Variants in SRCIN1 observed in about 807,000 individuals in gnomAD.
SRCIN1 encodes the protein P130Cas-associated protein.
SRCIN1 carries 50 observed loss-of-function variants against 116.2 expected under a neutral mutation model. The ratio of observed to expected loss-of-function variants is 0.43; its 90% confidence interval spans 0.34 to 0.54. SRCIN1 has a LOEUF of 0.54. Among genes scored for constraint, SRCIN1 ranks in the 20% least tolerant of loss-of-function variants. The pLI, the probability that SRCIN1 is intolerant of heterozygous loss-of-function variation, is 0.02. For synonymous variants in SRCIN1, 736 were observed against 750.0 expected, an observed-to-expected ratio of 0.98 and a Z score of 0.30; for missense variants, 1,446 against 1,672.0, an observed-to-expected ratio of 0.86 and a Z score of 2.36.
In SRCIN1 at chr17:38,604,323, TC is replaced by T. The variant is rs1909228922; in HGVS notation, c.22+1360del. Reference sequence around the variant, plus strand: ...CAAAACAGACAGCAGCTCCTCCATCTCCTTTTGAAAGGCTGCTGCCAGAAAC... The same window carrying T: ...CAAAACAGACAGCAGCTCCTCCATCTCTTTTGAAAGGCTGCTGCCAGAAAC... On this transcript the variant is annotated intron_variant, in intron 1 of 18. Coordinates refer to ENST00000617146, the MANE Select transcript of SRCIN1 (RefSeq NM_025248.3). The surrounding 1 kb of genome is among the most constrained non-coding windows in gnomAD (Gnocchi z 4.3). Among the ~76,000 whole-genome samples the T allele has an allele frequency of 6.6e-6, 1 of 152,012 alleles. No individual in the cohort carries two copies. Among genetic ancestry groups the T allele is most frequent in the South Asian group, 2.1e-4 (1 of 4,822 alleles).
chr17:38,575,698 C>A (rs1229389181), intron 2 of SRCIN1, among the ~76,000 whole-genome samples: 2 of 152,200 alleles, frequency 1.3e-5, no homozygotes, highest in African/African-American at 4.8e-5. Flanking sequence ...AGCCTCCCCC[C>A]AGTTGTCTCT....
intron 18 of SRCIN1, chr17:38,543,248 A>G (rs537585797): frequency 5.7e-5 from 26 of 454,878 alleles, no homozygotes; most frequent in South Asian, 3.4e-4. Flanking sequence ...AGGTGACCCC[A>G]CTGAAACCCA....
chr17:38,550,335 A>C (rs1295529143), intron 15 of SRCIN1, among the ~76,000 whole-genome samples: 2 of 152,024 alleles, frequency 1.3e-5, no homozygotes, highest in Non-Finnish European at 2.9e-5. Context: ...TCTACTAAAA[A>C]TACAAAAAAA....
At chr17:38,555,940 C>T (rs1041096493) in intron 11 of SRCIN1, among the ~76,000 whole-genome samples, 2 of 152,204 alleles carry the variant, frequency 1.3e-5, no homozygotes, top group African/African-American at 4.8e-5. Flanking sequence ...GACAACACTG[C>T]AATTCTTAGG....
intron 1 of SRCIN1, chr17:38,601,107 A>C (rs369032867): frequency 3.3e-5 from 5 of 152,468 alleles, no homozygotes; most frequent in African/African-American, 1.2e-4. Context: ...TGTCACAAGA[A>C]ACCTTGGAGA....
At chr17:38,589,276 T>C (rs1192221526) in intron 1 of SRCIN1, among the ~76,000 whole-genome samples, 4 of 152,208 alleles carry the variant, frequency 2.6e-5, no homozygotes, top group Admixed American at 2.6e-4. Context: ...GGGGTCTACA[T>C]ACCTGGGCCC....
intron 1 of SRCIN1, 27 bp from the exon 2 acceptor site, chr17:38,578,818 G>T: frequency 6.9e-7 from 1 of 1,455,114 alleles, no homozygotes; most frequent in Non-Finnish European, 9.0e-7. Context: ...GGGCACGGCT[G>T]GGTCACGGCG....
At chr17:38,596,329 G>A (rs1357956460) in intron 1 of SRCIN1, among the ~76,000 whole-genome samples, 2 of 152,104 alleles carry the variant, frequency 1.3e-5, no homozygotes, top group African/African-American at 2.4e-5. Context: ...TCCCTTTGGG[G>A]CCCCCCAGGG....
intron 11 of SRCIN1, among the ~76,000 whole-genome samples, chr17:38,556,575 G>A (rs907468459): frequency 1.9e-4 from 29 of 152,404 alleles, no homozygotes; most frequent in African/African-American, 6.7e-4. Context: ...GTGGGGCAGG[G>A]GGGCTGCAGG....
intron 2 of SRCIN1, among the ~76,000 whole-genome samples, chr17:38,573,606 G>A (rs1907229838): frequency 1.3e-5 from 2 of 152,178 alleles, no homozygotes; most frequent in Admixed American, 1.3e-4. Context: ...GGACAACTGA[G>A]CTCACCCAGT....
chr17:38,561,777 G>T lies in SRCIN1; in HGVS notation c.1386C>A (p.Tyr462Ter). The T allele has an allele frequency of 6.7e-7, 1 of 1,493,416 alleles. No individual in the cohort carries two copies. Among genetic ancestry groups the T allele is most frequent in the South Asian group, 1.3e-5 (1 of 79,552 alleles). 92.5% of individuals were successfully genotyped at this position (1,493,416 alleles called of 1,614,324 possible). A position where few individuals can be genotyped will look rare whatever the true frequency, so the allele number is the denominator to read the frequency against. ...GCAGGCGGAAGCCGTAGCCGTCGCCGTACAGCGGGCCGCCGCCGCCCGCCG... is the reference window on the plus strand; with the variant it reads ...GCAGGCGGAAGCCGTAGCCGTCGCCTTACAGCGGGCCGCCGCCGCCCGCCG... ...YKAAGGGGPL[Y>*]GDGYGFRLPP... The change falls in exon 7 of 19, where the codon TAC (tyrosine) becomes TAA (stop). Residue 462 changes from tyrosine (Y) to a stop codon, truncating the protein, a stop_gained. Coordinates refer to ENST00000617146, the MANE Select transcript of SRCIN1 (RefSeq NM_025248.3). LOFTEE classifies it high-confidence loss of function.
Position 38,551,323 on chromosome 17 carries a change from G to A in SRCIN1, c.2794C>T (p.Arg932Trp), listed in dbSNP as rs370325119. The part of the protein sequence containing the change: ...LTQYSAKDIN[R>W]LLEETQAELL... ...TCTGCCTGTGTCTCTTCCAGCAGCC[G>A]GTTGATGTCCTTGGCACTGTACTGG... is the stretch of plus-strand genomic sequence containing the variant. Residue 932 changes from arginine to tryptophan, a missense_variant, in exon 15 of 19, where the codon CGG becomes TGG. Physicochemically the swap from Arg to Trp is moderately radical, Grantham distance 101 (BLOSUM62 -3). Coordinates refer to ENST00000617146, the MANE Select transcript of SRCIN1 (RefSeq NM_025248.3). 22 of 1,613,728 alleles carry A rather than the reference G, an allele frequency of 1.4e-5. No individual in the cohort carries two copies. The highest frequency in any genetic ancestry group is 4.5e-5 in the East Asian group (2 of 44,894).
At position 38,585,277 on chromosome 17, in the gene SRCIN1, A is replaced by G. The variant is rs1908051730; in HGVS notation, c.23-6486T>C. On this transcript the variant is annotated intron_variant, in intron 1 of 18. Coordinates refer to ENST00000617146, the MANE Select transcript of SRCIN1 (RefSeq NM_025248.3). The surrounding 1 kb of genome is among the most constrained non-coding windows in gnomAD (Gnocchi z 4.2). ...TTAGGCCACACCCACACACACACAC[A>G]AACACACAGCATGAGGCTCCCCCAG... Among the ~76,000 whole-genome samples, 1 of 152,110 alleles carries G rather than the reference A, an allele frequency of 6.6e-6. No homozygotes were observed. Among genetic ancestry groups the G allele is most frequent in the African/African-American group, 2.4e-5 (1 of 41,412 alleles).
chr17:38,552,521 C>T lies in SRCIN1; in HGVS notation c.2406G>A (p.Lys802=), dbSNP rs561348090. The change falls in exon 13 of 19, where the codon AAG becomes AAA. Residue 802 remains lysine, a synonymous_variant. Transcript: ENST00000617146. The surrounding 1 kb of genome is among the most constrained non-coding windows in gnomAD (Gnocchi z 5.3). ...RVEVEAVKFL[K]EEPQRLDGLL... Reference sequence around the variant, plus strand: ...GCCCATCCAGGCGCTGGGGCTCCTCCTTCAGGAACTTCACCGCCTCCACCT... The same window carrying T: ...GCCCATCCAGGCGCTGGGGCTCCTCTTTCAGGAACTTCACCGCCTCCACCT... 37 of 1,605,674 alleles carry T rather than the reference C, an allele frequency of 2.3e-5. No homozygotes were observed. The highest frequency in any genetic ancestry group is 3.1e-5 in the Non-Finnish European group (37 of 1,176,332).
At position 38,604,202 on chromosome 17, in the gene SRCIN1, G is replaced by A. The variant is rs1171427348; in HGVS notation, c.22+1482C>T. ...AAGGTATCCTGACGACCCCCCAAAAGTGCTCAAACCCCACCCAAAGGAACA... is the reference window on the plus strand; with the variant it reads ...AAGGTATCCTGACGACCCCCCAAAAATGCTCAAACCCCACCCAAAGGAACA... On this transcript the variant is annotated intron_variant, in intron 1 of 18. Coordinates refer to ENST00000617146, the MANE Select transcript of SRCIN1 (RefSeq NM_025248.3). The surrounding 1 kb of genome is among the most constrained non-coding windows in gnomAD (Gnocchi z 4.3). 6.6e-6 allele frequency among the ~76,000 whole-genome samples: 1 copy of A among 152,078 alleles called. No individual in the cohort carries two copies.
rs111650340 is a variant in SRCIN1, at chr17:38,533,275, G to A, written c.*22C>T. 4.2e-5 allele frequency: 64 copies of A among 1,537,944 alleles called. 1 individual carries two copies. The highest frequency in any genetic ancestry group is 1.8e-4 in the African/African-American group (13 of 72,812). On this transcript the variant is annotated 3_prime_UTR_variant, in exon 19 of 19. Transcript: ENST00000617146. ...GCAGGAGTGAGGGAGGGGGACAGGC[G>A]GGGCAGCGGGGTGAGGGGCTTCTAG...
intron 1 of SRCIN1, among the ~76,000 whole-genome samples, chr17:38,595,755 T>C (rs1334219874): frequency 1.3e-5 from 2 of 151,616 alleles, no homozygotes; most frequent in Non-Finnish European, 2.9e-5. Flanking sequence ...CCGCCTCTTC[T>C]CTTCACCCCA....
At chr17:38,575,922 A>G (rs1402599403) in intron 2 of SRCIN1, among the ~76,000 whole-genome samples, 1 of 152,010 alleles carries the variant, frequency 6.6e-6, no homozygotes, top group Admixed American at 6.6e-5. Context: ...GTGCTTAAGC[A>G]CCGAACATTC....
chr17:38,558,270 G>A lies in SRCIN1; in HGVS notation c.2158C>T (p.Leu720=). 2 of 1,612,896 alleles carry A rather than the reference G, an allele frequency of 1.2e-6. No individual in the cohort carries two copies. The highest frequency in any genetic ancestry group is 2.2e-5 in the South Asian group (2 of 91,074). Reference sequence around the variant, plus strand: ...AGCTCCTCGTCGTTGAGATAGCGCAGCCGTTCCTCTTCCACCAGGGTGCGC... The same window carrying A: ...AGCTCCTCGTCGTTGAGATAGCGCAACCGTTCCTCTTCCACCAGGGTGCGC... The part of the protein sequence containing the change: ...RQRTLVEEER[L]RYLNDEELIT... Residue 720 remains leucine (L), a synonymous_variant, in exon 11 of 19, where the codon CTG becomes TTG. Transcript: ENST00000617146. This position sits in a 1 kb window ranked among gnomAD's most constrained non-coding sequence, Gnocchi z 4.6.
Sources: gnomAD v4.1 joint callset for allele counts (sites outside exome capture counted in the v4.1 genomes callset) on GRCh38, gnomAD v4.1.1 for gene constraint, Gnocchi (gnomAD v3.1) non-coding constraint, MANE v1.5 for transcripts, NCBI Gene and HGNC (gene_info 2026-07-23, HGNC 2026-07-21) for gene names.